LRP1B: variants seen among roughly 807,000 people sequenced by gnomAD.
LRP1B encodes LDL receptor related protein 1B, also known as low-density lipoprotein receptor-related protein 1B.
Under a neutral mutation model 556.6 loss-of-function variants are expected in LRP1B, and 217 were observed. The observed-to-expected ratio is 0.39, with a 90% CI of 0.35 to 0.44. The LOEUF is 0.44. Ranked by LOEUF, LRP1B falls within the 20% of genes least tolerant of loss-of-function variation. The pLI, the probability that LRP1B is intolerant of heterozygous loss-of-function variation, is 1.00. For synonymous variants in LRP1B, 2,047 were observed against 1,865.8 expected (o/e 1.10, Z -2.50); for missense variants, 5,053 against 5,620.8 (o/e 0.90, Z 3.23).
At chr2:140,291,878 T>C (rs1380189772) in intron 84 of LRP1B, among the ~76,000 whole-genome samples, 1 of 152,164 alleles carries the variant, frequency 6.6e-6, no homozygotes. Flanking sequence ...CACTGAGGAA[T>C]CACCACACTG....
chr2:140,904,804 C>T (rs1239507820), intron 22 of LRP1B, among the ~76,000 whole-genome samples: 1 of 151,938 alleles, frequency 6.6e-6, no homozygotes, highest in African/African-American at 2.4e-5. Context: ...ATTCTTTTTC[C>T]AGAGAATTAC....
intron 41 of LRP1B, among the ~76,000 whole-genome samples, chr2:140,643,653 G>T (rs1018276058): frequency 1.3e-5 from 2 of 152,110 alleles, no homozygotes; most frequent in African/African-American, 4.8e-5. Context: ...AAAATAATTT[G>T]CTTGTATTTT....
chr2:140,345,879 A>AT (rs1426120597), intron 77 of LRP1B, among the ~76,000 whole-genome samples: 1,406 of 137,422 alleles, frequency 0.01, 35 homozygotes, highest in African/African-American at 0.024. Flanking sequence ...TATATATATA[A>AT]AAAAAATAGC....
chr2:140,295,686 A>T (rs530319945), intron 84 of LRP1B, among the ~76,000 whole-genome samples: 1 of 152,304 alleles, frequency 6.6e-6, no homozygotes, highest in Admixed American at 6.5e-5. Flanking sequence ...CTCTTCTGTA[A>T]TGAGACTAAA....
chr2:140,276,855 G>A (rs1682692976), intron 84 of LRP1B, among the ~76,000 whole-genome samples: 1 of 151,804 alleles, frequency 6.6e-6, no homozygotes, highest in Non-Finnish European at 1.5e-5. Context: ...GCCGTTCCCT[G>A]CCACCCACTC....
At chr2:140,811,349 GCT>G (rs144777866) in intron 32 of LRP1B, among the ~76,000 whole-genome samples, 3,579 of 152,204 alleles carry the variant, frequency 0.024, 73 homozygotes, top group South Asian at 0.1. Context: ...ACAGCATTGA[GCT>G]CTGTTAGTTT....
intron 6 of LRP1B, among the ~76,000 whole-genome samples, chr2:141,218,566 A>G (rs1682908046): frequency 6.6e-6 from 1 of 152,204 alleles, no homozygotes; most frequent in Non-Finnish European, 1.5e-5. Context: ...CTCACTTATA[A>G]GTGGGAGCTG....
At chr2:140,655,279 T>C (rs997847588) in intron 41 of LRP1B, among the ~76,000 whole-genome samples, 5 of 147,870 alleles carry the variant, frequency 3.4e-5, no homozygotes, top group African/African-American at 1.3e-4. Flanking sequence ...AAATTCTACA[T>C]TTATTAACCT....
chr2:142,091,486 T>A (rs1192916058), intron 1 of LRP1B, among the ~76,000 whole-genome samples: 1 of 152,164 alleles, frequency 6.6e-6, no homozygotes, highest in East Asian at 1.9e-4. Context: ...TTCCAAGCTC[T>A]CCTTCAAAAC....
intron 41 of LRP1B, among the ~76,000 whole-genome samples, chr2:140,679,213 G>T (rs1165328102): frequency 6.6e-6 from 1 of 152,136 alleles, no homozygotes; most frequent in African/African-American, 2.4e-5. Flanking sequence ...CACCCATTAT[G>T]ACCTCATTTT....
chr2:140,584,054 A>G (rs1279784939), intron 43 of LRP1B, among the ~76,000 whole-genome samples: 8 of 152,030 alleles, frequency 5.3e-5, no homozygotes. Context: ...ATTAGTTTTA[A>G]TCTTTTTTAT....
At chr2:140,571,440 A>G (rs1681318375) in intron 43 of LRP1B, among the ~76,000 whole-genome samples, 1 of 151,824 alleles carries the variant, frequency 6.6e-6, no homozygotes, top group Non-Finnish European at 1.5e-5. Flanking sequence ...ATGCCTAGGA[A>G]TAAATTTAAC....
intron 83 of LRP1B, among the ~76,000 whole-genome samples, chr2:140,312,982 C>A (rs527545641): frequency 2.1e-4 from 32 of 151,840 alleles, no homozygotes; most frequent in Non-Finnish European, 3.4e-4. Flanking sequence ...CAGGAATTTG[C>A]CAAAAGGCTT....
chr2:141,294,312 A>G (rs1686095262), intron 3 of LRP1B, among the ~76,000 whole-genome samples: 1 of 152,218 alleles, frequency 6.6e-6, no homozygotes. Context: ...TAGTATTAAT[A>G]TAAACATATT....
At chr2:141,844,243 T>G (rs987069780) in intron 1 of LRP1B, among the ~76,000 whole-genome samples, 1 of 152,142 alleles carries the variant, frequency 6.6e-6, no homozygotes, top group African/African-American at 2.4e-5. Context: ...TTTTGCTTTT[T>G]CAGGGAAGCA....
At chr2:140,506,205 G>A (rs72901723) in intron 53 of LRP1B, among the ~76,000 whole-genome samples, 30,978 of 151,722 alleles carry the variant, frequency 0.2, 3,721 homozygotes, top group Non-Finnish European at 0.27. Flanking sequence ...TTCAAAATAC[G>A]TTAAACCAAA....
chr2:140,631,128 G>A (rs1324381241), intron 41 of LRP1B, among the ~76,000 whole-genome samples: 1 of 152,174 alleles, frequency 6.6e-6, no homozygotes, highest in African/African-American at 2.4e-5. Flanking sequence ...AATGGAAGCT[G>A]CTGACACCCA....
chr2:140,804,110 C>T (rs1690626420), intron 32 of LRP1B, among the ~76,000 whole-genome samples: 1 of 151,664 alleles, frequency 6.6e-6, no homozygotes, highest in Admixed American at 6.6e-5. Flanking sequence ...GTAAAGCGGA[C>T]TTGCATTGTA....
At chr2:141,579,650 C>T (rs894830847) in intron 2 of LRP1B, among the ~76,000 whole-genome samples, 4 of 148,942 alleles carry the variant, frequency 2.7e-5, no homozygotes, top group Non-Finnish European at 5.9e-5. Context: ...TGAATTTAGT[C>T]ATTTTCTTTC....
Sources: allele counts gnomAD v4.1 joint callset (sites outside exome capture counted in the v4.1 genomes callset), GRCh38; gene constraint gnomAD v4.1.1; transcripts MANE v1.5; gene names NCBI Gene and HGNC (gene_info 2026-07-23, HGNC 2026-07-21).